The following DNAJC9 variants were observed in gnomAD, a reference collection of about 807,000 sequenced individuals.
DNAJC9 encodes the protein DnaJ heat shock protein family (Hsp40) member C9.
Under a neutral mutation model 32.4 loss-of-function variants are expected in DNAJC9, and 18 were observed. The observed-to-expected ratio is 0.56, with a 90% CI of 0.38 to 0.82. The LOEUF (loss-of-function observed/expected upper bound fraction) is 0.82. Among genes scored for constraint, DNAJC9 ranks in the 40% least tolerant of loss-of-function variants. DNAJC9 has a pLI of 0.00. For missense variants in DNAJC9, 310 were observed against 321.8 expected, an observed-to-expected ratio of 0.96 and a Z score of 0.28; for synonymous variants, 113 against 122.1, an observed-to-expected ratio of 0.93 and a Z score of 0.49.
At chr10:73,241,115 A>C, downstream of DNAJC9, 1 of 763,678 alleles carries the variant, frequency 1.3e-6, no homozygotes, top group Non-Finnish European at 2.3e-6. Context: ...TAGAAGATCG[A>C]CTAGAAATCA....
At chr10:73,236,192 C>T (rs2043816888), downstream of DNAJC9, among the ~76,000 whole-genome samples, 1 of 150,986 alleles carries the variant, frequency 6.6e-6, no homozygotes, top group Non-Finnish European at 1.5e-5. Context: ...GTATTAGTTT[C>T]CTAGGGCTTA....
rs1169387296 is a variant in DNAJC9 at position 73,246,073 on chromosome 10, T to C, written c.425A>G (p.Asp142Gly). Reference protein sequence around the residue: ...QAYLDFKGDMDQIMESVLCVQ... With the variant: ...QAYLDFKGDMGQIMESVLCVQ... ...GCAAAGCACAGACTCCATGATCTGA[T>C]CCATGTCACCCTTGAAGTCCAGATA... Residue 142 changes from aspartate to glycine, a missense_variant, in exon 3 of 5, where the codon GAT (aspartate) becomes GGT (glycine). Asp to Gly is a moderately conservative substitution (Grantham distance 94). Coordinates refer to ENST00000372950, the MANE Select transcript of DNAJC9 (RefSeq NM_015190.5). The C allele has an allele frequency of 1.4e-5, 22 of 1,613,762 alleles. No individual in the cohort carries two copies. The highest frequency in any genetic ancestry group is 1.9e-5 in the Non-Finnish European group (22 of 1,179,898).
downstream of DNAJC9, chr10:73,235,241 CCTAA>C (rs1280925560): frequency 2.6e-6 from 4 of 1,551,750 alleles, no homozygotes; most frequent in South Asian, 3.6e-5. Context: ...GGTGGATGAA[CCTAA>C]CTATCAGCAG....
chr10:73,232,589 CCT>C (rs1342991340), intron 2 of DNAJC9, among the ~76,000 whole-genome samples: 15 of 152,170 alleles, frequency 9.9e-5, no homozygotes, highest in Non-Finnish European at 1.6e-4. Flanking sequence ...GGAATCAGCC[CCT>C]GTGGCAAATT....
chr10:73,246,275 A>T, intron 2 of DNAJC9, 99 bp from the exon 3 acceptor site: 1 of 1,309,200 alleles, frequency 7.6e-7, no homozygotes, highest in Non-Finnish European at 1.1e-6. Context: ...CTGCAATACA[A>T]CAGTTGCTTG....
chr10:73,232,814 G>GT (rs2043736221), intron 2 of DNAJC9: 1 of 629,326 alleles, frequency 1.6e-6, no homozygotes, highest in African/African-American at 1.8e-5. Flanking sequence ...TTATTGAAAG[G>GT]TTTTTATTTT....
chr10:73,238,442 A>G (rs1440098366), downstream of DNAJC9, among the ~76,000 whole-genome samples: 2 of 152,224 alleles, frequency 1.3e-5, no homozygotes, highest in Admixed American at 6.5e-5. Context: ...GGGGCCAGTA[A>G]ACTACAGTTC....
Position 73,246,182 on chromosome 10 carries a change from G to A in DNAJC9, c.322-6C>T, listed in dbSNP as rs1225056624. 1 of 1,592,202 alleles carries A rather than the reference G, an allele frequency of 6.3e-7. No homozygotes were observed. Among genetic ancestry groups the A allele is most frequent in the Non-Finnish European group, 8.5e-7 (1 of 1,175,092 alleles). ...TGAATGTCCTCTAAAGATATCTGATGATAAAGGAGATTTGCTTTAACTTTG... is the reference window on the plus strand; with the variant it reads ...TGAATGTCCTCTAAAGATATCTGATAATAAAGGAGATTTGCTTTAACTTTG... On this transcript the variant is annotated splice_polypyrimidine_tract_variant and splice_region_variant and intron_variant, in intron 2 of 4. Transcript: ENST00000372950.
chr10:73,244,364 G>GCCC (rs1564723039), intron 3 of DNAJC9: 1 of 157,368 alleles, frequency 6.4e-6, no homozygotes, highest in African/African-American at 2.4e-5. Context: ...TGGTGTGGTG[G>GCCC]CATGTGCTTG....
rs757399233 is a variant in DNAJC9 at position 73,243,870 on chromosome 10, G to A, written c.636C>T (p.Gly212=). The A allele has an allele frequency of 1.2e-5, 19 of 1,613,904 alleles. No homozygotes were observed. Among genetic ancestry groups the A allele is most frequent in the Admixed American group, 8.3e-5 (5 of 59,974 alleles). Residue 212 remains glycine (G), a synonymous_variant, in exon 4 of 5, where the codon GGC becomes GGT. Transcript: ENST00000372950. The part of the protein sequence containing the change: ...MSRKELGLDE[G]VDSLKAAIQS... ...GAATGGCTGCCTTCAGGCTATCCAC[G>A]CCTTCATCAAGCCCCAACTCCTTTC...
chr10:73,246,058 G>C lies in DNAJC9; in HGVS notation c.440C>G (p.Ser147Cys), dbSNP rs1383691630. 4.3e-6 allele frequency: 7 copies of C among 1,613,796 alleles called. No individual in the cohort carries two copies. The highest frequency in any genetic ancestry group is 1.7e-5 in the Admixed American group (1 of 59,940). ...CTCTGTGTACTGCACGCAAAGCACA[G>C]ACTCCATGATCTGATCCATGTCACC... ...FKGDMDQIME[S>C]VLCVQYTEEP... The change falls in exon 3 of 5, where the codon TCT becomes TGT. Residue 147 changes from serine (S) to cysteine (C), a missense_variant. Transcript: ENST00000372950.
chr10:73,235,195 A>G (rs921012360), downstream of DNAJC9: 1 of 1,551,432 alleles, frequency 6.4e-7, no homozygotes, highest in Non-Finnish European at 8.7e-7. Flanking sequence ...CTCTGCAGAA[A>G]CCCCATGGCG....
Position 73,242,007 on chromosome 10 carries a change from G to A in DNAJC9, c.*1393C>T, listed in dbSNP as rs111489545. ...ATTTCACTAAATACAAATCTTGATT[G>A]TCATGCCAGTTTTAGATCTTATTAA... On this transcript the variant is annotated 3_prime_UTR_variant, in exon 5 of 5. Transcript: ENST00000372950. 4 of 152,148 alleles carry A rather than the reference G, an allele frequency of 2.6e-5. No homozygotes were observed. Among genetic ancestry groups the A allele is most frequent in the African/African-American group, 9.7e-5 (4 of 41,442 alleles). 9.4% of individuals were successfully genotyped at this position (152,148 alleles called of 1,614,324 possible).
chr10:73,234,705 T>C (rs2043782675), downstream of DNAJC9: 1 of 1,171,642 alleles, frequency 8.5e-7, no homozygotes, highest in Admixed American at 2.6e-5. Context: ...AGCCTAAAGC[T>C]TTCTGTGCAC....
chr10:73,241,689 C>T (rs532515401), downstream of DNAJC9: 1 of 152,314 alleles, frequency 6.6e-6, no homozygotes, highest in East Asian at 1.9e-4. Context: ...TTATTTTCTT[C>T]CTAAAGTAGG....
At chr10:73,233,309 C>A in intron 2 of DNAJC9, 1 of 632,258 alleles carries the variant, frequency 1.6e-6, no homozygotes, top group Non-Finnish European at 2.7e-6. Context: ...GGTTTAGATC[C>A]AACACAAAAT....
At chr10:73,235,216 A>G (rs1360688828), downstream of DNAJC9, 10 of 1,551,714 alleles carry the variant, frequency 6.4e-6, no homozygotes, top group South Asian at 1.1e-4. Context: ...ACTCTAGTCG[A>G]GCTCAAAGTG....
chr10:73,233,084 A>G lies in DNAJC9; in HGVS notation n.147+10759T>C, dbSNP rs1250527336. Reference sequence around the variant, plus strand: ...CAGGAGACGCAATCCACCACCACGAACTCTTCATCCGATCAGCACGAGCCA... The same window carrying G: ...CAGGAGACGCAATCCACCACCACGAGCTCTTCATCCGATCAGCACGAGCCA... On this transcript the variant is annotated intron_variant and non_coding_transcript_variant, in intron 2 of 2. Coordinates refer to the DNAJC9 transcript ENST00000469143. 3.2e-6 allele frequency: 5 copies of G among 1,551,302 alleles called. No homozygotes were observed. The highest frequency in any genetic ancestry group is 2.0e-5 in the Admixed American group (1 of 50,942).
At position 73,246,746 on chromosome 10, in the gene DNAJC9, G is replaced by C; in HGVS notation, c.263C>G (p.Ser88Cys). Residue 88 changes from serine to cysteine, a missense_variant, in exon 2 of 5, where the codon TCT (serine) becomes TGT (cysteine). Ser to Cys is a moderately radical substitution (Grantham distance 112). Transcript: ENST00000372950. Reference protein sequence around the residue: ...YDEQGTVDEDSPVLTQDRDWE... With the variant: ...YDEQGTVDEDCPVLTQDRDWE... The stretch of plus-strand genomic sequence containing the variant: ...GTCTCGGTCTTGGGTGAGCACAGGA[G>C]AGTCCTCGTCCACTGTTCCCTGCTC... 6.2e-7 allele frequency: 1 copy of C among 1,614,074 alleles called. No homozygotes were observed. Among genetic ancestry groups the C allele is most frequent in the Non-Finnish European group, 8.5e-7 (1 of 1,179,962 alleles).
Sources: allele counts gnomAD v4.1 joint callset (sites outside exome capture counted in the v4.1 genomes callset), GRCh38; gene constraint gnomAD v4.1.1; transcripts MANE v1.5; gene names NCBI Gene and HGNC (gene_info 2026-07-23, HGNC 2026-07-21).